The following CYP27A1 variants were observed in gnomAD, a reference collection of about 807,000 sequenced individuals.
The protein encoded by CYP27A1 is cytochrome P450 family 27 subfamily A member 1, also known as sterol 26-hydroxylase, mitochondrial.
CYP27A1 carries 46 observed loss-of-function variants against 58.2 expected under a neutral mutation model. The observed-to-expected ratio is 0.79, with a 90% CI of 0.62 to 1.01. CYP27A1 has a LOEUF of 1.01. Among genes scored for constraint, CYP27A1 ranks in the 50% least tolerant of loss-of-function variants. The probability of loss-of-function intolerance (pLI) is 0.00; values close to 1 mark genes in which losing one functional copy is unlikely to be tolerated. For synonymous variants in CYP27A1, 274 were observed against 285.1 expected, an observed-to-expected ratio of 0.96 and a Z score of 0.39; for missense variants, 704 against 687.0, an observed-to-expected ratio of 1.02 and a Z score of -0.28.
At position 218,815,017 on chromosome 2, in the gene CYP27A1, A is replaced by C; in HGVS notation, c.1583A>C (p.Gln528Pro). The change falls in exon 9 of 9, where the codon CAG becomes CCG. Residue 528 changes from glutamine to proline, a missense_variant. By Grantham distance (76) the Gln-to-Pro change is moderately conservative (BLOSUM62 -1). Transcript: ENST00000258415. ...PNKKVGLQFLQRQC is the reference protein window; with the variant it reads ...PNKKVGLQFLPRQC The stretch of plus-strand genomic sequence containing the variant: ...AAGAAAGTGGGCCTGCAGTTCCTGC[A>C]GAGACAGTGCTGAGCTGAGTCTCCG... The C allele has an allele frequency of 6.2e-7, 1 of 1,614,250 alleles. No homozygotes were observed. Among genetic ancestry groups the C allele is most frequent in the Non-Finnish European group, 8.5e-7 (1 of 1,180,048 alleles).
chr2:218,810,849 T>C (rs1364631108), intron 2 of CYP27A1, among the ~76,000 whole-genome samples: 1 of 152,020 alleles, frequency 6.6e-6, no homozygotes, highest in East Asian at 1.9e-4. Flanking sequence ...AGAAAAAATA[T>C]ATATTAAAAA....
In CYP27A1 at chr2:218,812,305, C is replaced by G. The variant is rs773103625; in HGVS notation, c.530C>G (p.Ala177Gly). Residue 177 changes from alanine to glycine, a missense_variant, in exon 3 of 9, where the codon GCT becomes GGT. Transcript: ENST00000258415. The stretch of plus-strand genomic sequence containing the variant: ...GCGGAAGCAGCGCTCTATACGGATG[C>G]TTTCAATGAGGTGATTGATGACTTT... Reference protein sequence around the residue: ...KPAEAALYTDAFNEVIDDFMT... With the variant: ...KPAEAALYTDGFNEVIDDFMT... The G allele has an allele frequency of 6.2e-7, 1 of 1,614,226 alleles. No individual in the cohort carries two copies. Among genetic ancestry groups the G allele is most frequent in the Admixed American group, 1.7e-5 (1 of 60,030 alleles).
intron 1 of CYP27A1, among the ~76,000 whole-genome samples, chr2:218,793,711 CTCTT>C (rs1178680257): frequency 5.3e-5 from 8 of 150,784 alleles, no homozygotes; most frequent in South Asian, 4.2e-4. Flanking sequence ...CCCCAAGTTT[CTCTT>C]TCTTTTTTTT....
intron 1 of CYP27A1, among the ~76,000 whole-genome samples, chr2:218,803,557 G>A (rs1008872655): frequency 2.0e-5 from 3 of 151,940 alleles, no homozygotes; most frequent in Non-Finnish European, 4.4e-5. Context: ...CCAGGTAGCT[G>A]GGACTACAGG....
At chr2:218,788,295 A>C (rs555362601) in intron 1 of CYP27A1, among the ~76,000 whole-genome samples, 5 of 152,216 alleles carry the variant, frequency 3.3e-5, no homozygotes, top group Non-Finnish European at 7.3e-5. Context: ...GTCTTAGAAC[A>C]CTTGGACTTC....
intron 2 of CYP27A1, 69 bp downstream of exon 2, chr2:218,809,836 G>A: frequency 4.2e-6 from 6 of 1,443,840 alleles, no homozygotes; most frequent in Non-Finnish European, 5.7e-6. Flanking sequence ...TGGGCACAGG[G>A]CAGGCAGGTG....
chr2:218,782,670 A>C lies in CYP27A1; in HGVS notation c.255+233A>C, dbSNP rs771064433. 6.6e-6 allele frequency among the ~76,000 whole-genome samples: 1 copy of C among 152,102 alleles called. No homozygotes were observed. The highest frequency in any genetic ancestry group is 1.5e-5 in the Non-Finnish European group (1 of 68,018). On this transcript the variant is annotated intron_variant, in intron 1 of 8. Coordinates refer to ENST00000258415, the MANE Select transcript of CYP27A1 (RefSeq NM_000784.4). This position sits in a 1 kb window ranked among gnomAD's most constrained non-coding sequence, Gnocchi z 4.1. ...GGCTTAAATCAGGACGGCACCAGTAAGGGGGGGATCTGGACGCCGGACTTA... is the reference window on the plus strand; with the variant it reads ...GGCTTAAATCAGGACGGCACCAGTACGGGGGGGATCTGGACGCCGGACTTA...
intron 5 of CYP27A1, 128 bp from the exon 6 acceptor site, chr2:218,813,892 GT>G: frequency 9.8e-7 from 1 of 1,015,902 alleles, no homozygotes; most frequent in Non-Finnish European, 1.5e-6. Context: ...GAACCTGCAT[GT>G]TTTTTCCTGC....
chr2:218,791,611 G>A (rs1347195551), intron 1 of CYP27A1, among the ~76,000 whole-genome samples: 3 of 152,140 alleles, frequency 2.0e-5, no homozygotes, highest in African/African-American at 7.2e-5. Flanking sequence ...TTACCTTAAG[G>A]TTTCTAATGG....
At position 218,782,613 on chromosome 2, in the gene CYP27A1, C is replaced by A. The variant is rs1419191917; in HGVS notation, c.255+176C>A. On this transcript the variant is annotated intron_variant, in intron 1 of 8. Coordinates refer to ENST00000258415, the MANE Select transcript of CYP27A1 (RefSeq NM_000784.4). This position sits in a 1 kb window ranked among gnomAD's most constrained non-coding sequence, Gnocchi z 4.1. ...GAGAATGGGCAAAGTGCAGACAGAG[C>A]CCTTTGAGCTGAGATAAACAGGACG... Among the ~76,000 whole-genome samples the A allele has an allele frequency of 1.3e-5, 2 of 152,088 alleles. No homozygotes were observed. The highest frequency in any genetic ancestry group is 2.9e-5 in the Non-Finnish European group (2 of 68,024).
chr2:218,800,187 C>G (rs1243706623), intron 1 of CYP27A1, among the ~76,000 whole-genome samples: 2 of 152,058 alleles, frequency 1.3e-5, no homozygotes, highest in Non-Finnish European at 2.9e-5. Flanking sequence ...TCTTGGGACA[C>G]CTCTGAGGAA....
At chr2:218,784,445 C>G (rs1056670855) in intron 1 of CYP27A1, among the ~76,000 whole-genome samples, 19 of 152,206 alleles carry the variant, frequency 1.2e-4, no homozygotes, top group Non-Finnish European at 2.9e-5. Flanking sequence ...AAGGAAGATG[C>G]CTTCCCTCTT....
In CYP27A1 at chr2:218,782,695, AC is replaced by A; in HGVS notation, c.255+259del. On this transcript the variant is annotated intron_variant, in intron 1 of 8. Coordinates refer to ENST00000258415, the MANE Select transcript of CYP27A1 (RefSeq NM_000784.4). This position sits in a 1 kb window ranked among gnomAD's most constrained non-coding sequence, Gnocchi z 4.1. ...AGGGGGGGATCTGGACGCCGGACTTACAGTGAGCAGAGGTTGAGGAGGGAGC... is the reference window on the plus strand; with the variant it reads ...AGGGGGGGATCTGGACGCCGGACTTAAGTGAGCAGAGGTTGAGGAGGGAGC... 6.6e-6 allele frequency among the ~76,000 whole-genome samples: 1 copy of A among 152,304 alleles called. No individual in the cohort carries two copies. Among genetic ancestry groups the A allele is most frequent in the South Asian group, 2.1e-4 (1 of 4,832 alleles).
At chr2:218,795,766 C>T (rs2105973739) in intron 1 of CYP27A1, among the ~76,000 whole-genome samples, 1 of 152,278 alleles carries the variant, frequency 6.6e-6, no homozygotes, top group Non-Finnish European at 1.5e-5. Context: ...TTCTCTCTCT[C>T]CAGTCCTCAT....
chr2:218,788,327 A>T (rs1041457861), intron 1 of CYP27A1, among the ~76,000 whole-genome samples: 3 of 152,242 alleles, frequency 2.0e-5, no homozygotes, highest in Non-Finnish European at 4.4e-5. Context: ...GGCTTCCCCC[A>T]GAGTGAATGT....
At chr2:218,789,316 G>T (rs1392880910) in intron 1 of CYP27A1, among the ~76,000 whole-genome samples, 1 of 152,156 alleles carries the variant, frequency 6.6e-6, no homozygotes, top group Non-Finnish European at 1.5e-5. Flanking sequence ...TGTTGAAAAA[G>T]AAAAACTTTA....
intron 1 of CYP27A1, among the ~76,000 whole-genome samples, chr2:218,808,171 C>T (rs759644219): frequency 6.6e-5 from 10 of 152,146 alleles, no homozygotes; most frequent in Non-Finnish European, 1.3e-4. Context: ...ATTAACAAAT[C>T]GTCCTCCAAG....
chr2:218,803,343 A>G (rs1355332798), intron 1 of CYP27A1, among the ~76,000 whole-genome samples: 3 of 152,184 alleles, frequency 2.0e-5, no homozygotes, highest in Non-Finnish European at 4.4e-5. Context: ...TTAAACCCTT[A>G]TCAGATATAT....
intron 1 of CYP27A1, among the ~76,000 whole-genome samples, chr2:218,784,740 T>C (rs1420796616): frequency 1.3e-5 from 2 of 152,162 alleles, no homozygotes; most frequent in African/African-American, 4.8e-5. Context: ...TTTTCTGGAG[T>C]GTGTGCTTCC....
Sources: gnomAD v4.1 joint callset for allele counts (sites outside exome capture counted in the v4.1 genomes callset) on GRCh38, gnomAD v4.1.1 for gene constraint, Gnocchi (gnomAD v3.1) non-coding constraint, MANE v1.5 for transcripts, NCBI Gene and HGNC (gene_info 2026-07-23, HGNC 2026-07-21) for gene names.